Variants in COL15A1 observed in about 807,000 individuals in gnomAD.
COL15A1 encodes collagen type XV alpha 1 chain.
Under a neutral mutation model 165.9 loss-of-function variants are expected in COL15A1, and 111 were observed. That is an observed-to-expected ratio of 0.67 (90% CI 0.57 to 0.78). The LOEUF is 0.78. Among genes scored for constraint, COL15A1 ranks in the 30% least tolerant of loss-of-function variants. The probability of loss-of-function intolerance (pLI) is 0.00; values close to 1 mark genes in which losing one functional copy is unlikely to be tolerated. For synonymous variants in COL15A1, 659 were observed against 674.8 expected, an observed-to-expected ratio of 0.98 and a Z score of 0.36; for missense variants, 1,745 against 1,789.7, an observed-to-expected ratio of 0.98 and a Z score of 0.45.
chr9:98,955,466 T>C (rs1255084970), intron 2 of COL15A1, among the ~76,000 whole-genome samples: 1 of 152,218 alleles, frequency 6.6e-6, no homozygotes, highest in African/African-American at 2.4e-5. Flanking sequence ...TTGAATAAGT[T>C]AATGAATGAA....
intron 2 of COL15A1, among the ~76,000 whole-genome samples, chr9:98,966,604 A>G (rs1337848131): frequency 6.6e-6 from 1 of 152,228 alleles, no homozygotes; most frequent in Non-Finnish European, 1.5e-5. Flanking sequence ...GGGGAGGAAG[A>G]TGGAGGCAGC....
intron 2 of COL15A1, among the ~76,000 whole-genome samples, chr9:98,959,610 A>G (rs78445379): frequency 1.3e-5 from 2 of 151,898 alleles, no homozygotes; most frequent in African/African-American, 4.8e-5. Context: ...AAAAAAAAAA[A>G]TTAATTCTGC....
intron 8 of COL15A1, among the ~76,000 whole-genome samples, chr9:99,004,242 G>C (rs1051434582): frequency 6.6e-6 from 1 of 152,200 alleles, no homozygotes; most frequent in Non-Finnish European, 1.5e-5. Flanking sequence ...AGAGGAGAAA[G>C]GGTGGGGAAG....
At chr9:99,057,912 G>A (rs921753791) in intron 35 of COL15A1, among the ~76,000 whole-genome samples, 3 of 152,116 alleles carry the variant, frequency 2.0e-5, no homozygotes, top group Non-Finnish European at 4.4e-5. Context: ...TCTTTTGGCT[G>A]CAAGTGATAG....
At chr9:99,010,340 T>C (rs1838831031) in intron 9 of COL15A1, among the ~76,000 whole-genome samples, 1 of 152,186 alleles carries the variant, frequency 6.6e-6, no homozygotes, top group Non-Finnish European at 1.5e-5. Context: ...ACTGAACAAA[T>C]GGGGGCAAAT....
At chr9:99,041,852 G>A (rs1281072844) in intron 23 of COL15A1, among the ~76,000 whole-genome samples, 193 bp from the exon 24 acceptor site, 1 of 152,242 alleles carries the variant, frequency 6.6e-6, no homozygotes, top group Non-Finnish European at 1.5e-5. Flanking sequence ...TTAACACTCA[G>A]TGCTATCTTC....
chr9:99,046,060 C>A (rs1588531863), intron 26 of COL15A1, among the ~76,000 whole-genome samples: 1 of 152,228 alleles, frequency 6.6e-6, no homozygotes, highest in African/African-American at 2.4e-5. Context: ...TACTGGTTAA[C>A]CACCTACTAA....
At chr9:99,024,445 C>T (rs902685665) in intron 14 of COL15A1, among the ~76,000 whole-genome samples, 11 of 151,960 alleles carry the variant, frequency 7.2e-5, no homozygotes, top group Middle Eastern at 3.4e-3. Flanking sequence ...CCACCACGCC[C>T]GGCTAATTTT....
At chr9:99,022,698 T>C (rs1221151588) in intron 13 of COL15A1, among the ~76,000 whole-genome samples, 1 of 152,234 alleles carries the variant, frequency 6.6e-6, no homozygotes, top group Non-Finnish European at 1.5e-5. Context: ...ACCCAGCTCT[T>C]CTGGGTGCCT....
Position 98,944,154 on chromosome 9 carries a change from T to C in COL15A1, c.12-8T>C, listed in dbSNP as rs1435952585. ...CCTCACCTTTTCTCCCTCGGGCACA[T>C]CTTGCAGGAGGAACAACGGGCAGTG... On this transcript the variant is annotated splice_polypyrimidine_tract_variant and splice_region_variant and intron_variant, in intron 1 of 41. Transcript: ENST00000375001. 3.1e-6 allele frequency: 5 copies of C among 1,613,982 alleles called. No homozygotes were observed. The highest frequency in any genetic ancestry group is 4.2e-6 in the Non-Finnish European group (5 of 1,179,988).
chr9:99,069,248 TATTGTA>T (rs11278672), intron 41 of COL15A1, among the ~76,000 whole-genome samples: 39,490 of 151,858 alleles, frequency 0.26, 5,594 homozygotes, highest in East Asian at 0.6. Flanking sequence ...CTAGACAGAA[TATTGTA>T]ATTGTAAGTG....
At position 99,062,087 on chromosome 9, in the gene COL15A1, G is replaced by A. The variant is rs1244365981; in HGVS notation, c.3519G>A (p.Trp1173Ter). ...TEFFIRVRDG[W>*]KKLQLGELIP... ...TTTTCATTCGTGTTAGAGATGGCTGGAAAAAATTACAGGTAATTTCTAAAC... is the reference window on the plus strand; with the variant it reads ...TTTTCATTCGTGTTAGAGATGGCTGAAAAAAATTACAGGTAATTTCTAAAC... The change falls in exon 37 of 42, where the codon TGG becomes TGA. Residue 1173 changes from tryptophan to a stop codon, truncating the protein, a stop_gained. Transcript: ENST00000375001. LOFTEE classifies it high-confidence loss of function. The A allele has an allele frequency of 6.2e-7, 1 of 1,613,610 alleles. No homozygotes were observed. Among genetic ancestry groups the A allele is most frequent in the Non-Finnish European group, 8.5e-7 (1 of 1,179,886 alleles).
chr9:99,003,613 C>T, intron 8 of COL15A1, 26 bp downstream of exon 8: 2 of 1,448,908 alleles, frequency 1.4e-6, no homozygotes, highest in African/African-American at 1.4e-5. Flanking sequence ...CGCAAGCTCC[C>T]CTTCACCTGT....
intron 2 of COL15A1, among the ~76,000 whole-genome samples, chr9:98,976,671 G>C (rs1007595078): frequency 6.6e-6 from 1 of 152,204 alleles, no homozygotes; most frequent in Non-Finnish European, 1.5e-5. Flanking sequence ...GAATGCCTAG[G>C]ATTTAGTTCA....
chr9:99,022,109 C>T lies in COL15A1; in HGVS notation c.1720C>T (p.Leu574Phe), dbSNP rs373900418. 4.3e-5 allele frequency: 69 copies of T among 1,614,054 alleles called. 1 individual carries two copies. Among genetic ancestry groups the T allele is most frequent in the East Asian group, 2.5e-4 (11 of 44,890 alleles). The change falls in exon 13 of 42, where the codon CTT (leucine) becomes TTT (phenylalanine). Residue 574 changes from leucine to phenylalanine, a missense_variant. By Grantham distance (22) the Leu-to-Phe change is conservative. Coordinates refer to ENST00000375001, the MANE Select transcript of COL15A1 (RefSeq NM_001855.5). ...TCTTTAGGGTGATGCTGGGGAGGAG[C>T]TTCCTGGCCCTCCTGAACCTTCTGG... ...KGEKGDAGEE[L>F]PGPPEPSGPV...
At chr9:99,064,228 C>A (rs1006166572) in intron 39 of COL15A1, among the ~76,000 whole-genome samples, 1 of 152,180 alleles carries the variant, frequency 6.6e-6, no homozygotes, top group African/African-American at 2.4e-5. Flanking sequence ...ACTACTGACT[C>A]AGTTCAGAGT....
intron 2 of COL15A1, among the ~76,000 whole-genome samples, chr9:98,964,216 A>G (rs888418956): frequency 4.5e-5 from 1 of 22,034 alleles, no homozygotes; most frequent in Non-Finnish European, 1.2e-4. Context: ...CCACCCCCCC[A>G]TTCTTGGTCT....
chr9:99,024,367 A>G (rs936344801), intron 14 of COL15A1, among the ~76,000 whole-genome samples: 69 of 141,788 alleles, frequency 4.9e-4, no homozygotes, highest in African/African-American at 1.8e-3. Context: ...TGCAAGCTCC[A>G]CCTCCCAGGT....
At chr9:99,012,016 G>C (rs2118979386) in intron 9 of COL15A1, among the ~76,000 whole-genome samples, 1 of 152,248 alleles carries the variant, frequency 6.6e-6, no homozygotes, top group East Asian at 1.9e-4. Context: ...CCTGTTTTGG[G>C]CTGAGTTTAT....
Sources: allele counts gnomAD v4.1 joint callset (sites outside exome capture counted in the v4.1 genomes callset), GRCh38; gene constraint gnomAD v4.1.1; transcripts MANE v1.5; gene names NCBI Gene and HGNC (gene_info 2026-07-23, HGNC 2026-07-21).